The following SLC24A2 variants were observed in gnomAD, a reference collection of about 807,000 sequenced individuals.
SLC24A2 encodes the protein solute carrier family 24 member 2, also known as sodium/potassium/calcium exchanger 2.
In SLC24A2, 36 loss-of-function variants were observed where a neutral mutation model predicts 62.0. The ratio of observed to expected loss-of-function variants is 0.58; its 90% CI spans 0.44 to 0.77. The LOEUF is 0.77. Among genes scored for constraint, SLC24A2 ranks in the 30% least tolerant of loss-of-function variants. SLC24A2 has a pLI of 0.00. For missense variants in SLC24A2, 846 were observed against 817.9 expected, an observed-to-expected ratio of 1.03 and a Z score of -0.42; for synonymous variants, 358 against 294.0, an observed-to-expected ratio of 1.22 and a Z score of -2.23.
At chr9:20,301,751 T>C in the SLC24A2 span, among the ~76,000 whole-genome samples, 1 of 152,188 alleles carries the variant, frequency 6.6e-6, no homozygotes, top group Admixed American at 6.5e-5. Flanking sequence ...CACATCATAA[T>C]CACTCAAAGT....
chr9:20,111,562 CCTTT>C, the SLC24A2 span, among the ~76,000 whole-genome samples: 2 of 152,260 alleles, frequency 1.3e-5, no homozygotes, highest in South Asian at 4.1e-4. Flanking sequence ...GTGCTTTAAT[CCTTT>C]CTTCTCATGG....
the SLC24A2 span, among the ~76,000 whole-genome samples, chr9:20,237,448 C>T: frequency 6.6e-6 from 1 of 152,168 alleles, no homozygotes; most frequent in South Asian, 2.1e-4. Flanking sequence ...CATTCATGCT[C>T]TCTGCATCAA....
At chr9:20,101,168 T>C in the SLC24A2 span, among the ~76,000 whole-genome samples, 1 of 152,370 alleles carries the variant, frequency 6.6e-6, no homozygotes, top group Non-Finnish European at 1.5e-5. Flanking sequence ...TTAAATTTCA[T>C]TTAAGGTCTC....
At chr9:19,591,576 A>G (rs1280324856) in intron 5 of SLC24A2, among the ~76,000 whole-genome samples, 1 of 152,192 alleles carries the variant, frequency 6.6e-6, no homozygotes, top group Non-Finnish European at 1.5e-5. Flanking sequence ...AGAAGACAAA[A>G]TATCTAGAGA....
the SLC24A2 span, among the ~76,000 whole-genome samples, chr9:20,304,502 T>C: frequency 6.6e-6 from 1 of 152,236 alleles, no homozygotes; most frequent in Non-Finnish European, 1.5e-5. Flanking sequence ...ATAATTCTCA[T>C]TGGTATTTTA....
At chr9:19,931,285 A>G in the SLC24A2 span, among the ~76,000 whole-genome samples, 2 of 152,212 alleles carry the variant, frequency 1.3e-5, no homozygotes, top group African/African-American at 4.8e-5. Context: ...GTTCACAGAA[A>G]GAGTTATTAT....
the SLC24A2 span, among the ~76,000 whole-genome samples, chr9:20,013,665 C>G: frequency 6.6e-6 from 1 of 152,054 alleles, no homozygotes; most frequent in Non-Finnish European, 1.5e-5. Context: ...CATAAGAAAA[C>G]AGTTGAATAT....
the SLC24A2 span, among the ~76,000 whole-genome samples, chr9:19,961,866 T>G: frequency 6.6e-6 from 1 of 152,192 alleles, no homozygotes; most frequent in Non-Finnish European, 1.5e-5. Context: ...GGAAGTGAAC[T>G]TGGAAACTGA....
At chr9:20,041,554 C>T in the SLC24A2 span, among the ~76,000 whole-genome samples, 1 of 152,180 alleles carries the variant, frequency 6.6e-6, no homozygotes, top group Non-Finnish European at 1.5e-5. Context: ...CAAAACCAGC[C>T]TTGTATCATC....
Position 19,516,260 on chromosome 9 carries a change from G to A in SLC24A2, c.1879C>T (p.Arg627Ter). ...ATGAAGCCCAGGATTTTGTTCATTC[G>A]CCACTTGCAGAGGGCGATAGAGAGG... is the stretch of plus-strand genomic sequence containing the variant. ...VILSIALCKW[R>*]MNKILGFIMF... Residue 627 changes from arginine to a stop codon, truncating the protein, a stop_gained, in exon 11 of 11, where the codon CGA becomes TGA. Coordinates refer to ENST00000341998, the MANE Select transcript of SLC24A2 (RefSeq NM_020344.4). LOFTEE classifies it high-confidence loss of function. The A allele has an allele frequency of 3.1e-6, 5 of 1,614,154 alleles. No homozygotes were observed. Among genetic ancestry groups the A allele is most frequent in the Non-Finnish European group, 4.2e-6 (5 of 1,180,032 alleles).
chr9:19,909,412 C>T, the SLC24A2 span, among the ~76,000 whole-genome samples: 2 of 151,972 alleles, frequency 1.3e-5, no homozygotes, highest in Non-Finnish European at 2.9e-5. Context: ...AGCACACCAA[C>T]ATGGCACATG....
At chr9:20,243,023 G>T in the SLC24A2 span, among the ~76,000 whole-genome samples, 1 of 152,104 alleles carries the variant, frequency 6.6e-6, no homozygotes, top group African/African-American at 2.4e-5. Context: ...CAATAACCCA[G>T]CAGTGTTTTA....
the SLC24A2 span, among the ~76,000 whole-genome samples, chr9:19,802,223 T>G: frequency 6.6e-6 from 1 of 152,240 alleles, no homozygotes; most frequent in Non-Finnish European, 1.5e-5. Flanking sequence ...AGATACGTTG[T>G]GTATTCTTTA....
chr9:19,683,686 G>A (rs1157437822), intron 2 of SLC24A2, among the ~76,000 whole-genome samples: 1 of 151,994 alleles, frequency 6.6e-6, no homozygotes, highest in Non-Finnish European at 1.5e-5. Flanking sequence ...AATTAGCAAG[G>A]ACCGCTATAC....
chr9:19,888,676 G>A, the SLC24A2 span, among the ~76,000 whole-genome samples: 1 of 152,098 alleles, frequency 6.6e-6, no homozygotes, highest in African/African-American at 2.4e-5. Context: ...GCTTTCTAAT[G>A]TATGATCCTA....
At chr9:19,811,077 G>T in the SLC24A2 span, among the ~76,000 whole-genome samples, 1 of 152,156 alleles carries the variant, frequency 6.6e-6, no homozygotes, top group African/African-American at 2.4e-5. Flanking sequence ...TGTTGAAATT[G>T]ATGTTATTGA....
chr9:20,120,623 G>T, the SLC24A2 span, among the ~76,000 whole-genome samples: 3 of 151,982 alleles, frequency 2.0e-5, no homozygotes, highest in African/African-American at 7.2e-5. Flanking sequence ...CTGGGTGATA[G>T]AATTATCTGT....
the SLC24A2 span, among the ~76,000 whole-genome samples, chr9:19,980,103 C>T: frequency 6.6e-6 from 1 of 152,130 alleles, no homozygotes; most frequent in African/African-American, 2.4e-5. Context: ...TAAAGGCTTC[C>T]TGGAGGAAGT....
chr9:20,021,787 T>C, the SLC24A2 span, among the ~76,000 whole-genome samples: 1 of 152,004 alleles, frequency 6.6e-6, no homozygotes, highest in Admixed American at 6.6e-5. Flanking sequence ...TCTAGTATTT[T>C]CAGTATATTA....
Sources: allele counts gnomAD v4.1 joint callset (sites outside exome capture counted in the v4.1 genomes callset), GRCh38; gene constraint gnomAD v4.1.1; transcripts MANE v1.5; gene names NCBI Gene and HGNC (gene_info 2026-07-23, HGNC 2026-07-21).